PCDH11X: variants seen among roughly 807,000 people sequenced by gnomAD.
PCDH11X encodes the protein protocadherin 11 X-linked, also known as protocadherin-11 X-linked.
In PCDH11X, 18 loss-of-function variants were observed where a neutral mutation model predicts 53.3. The observed-to-expected ratio is 0.34, with a 90% CI of 0.23 to 0.50. The LOEUF is 0.50. Ranked by LOEUF, PCDH11X falls within the 20% of genes least tolerant of loss-of-function variation. The probability of loss-of-function intolerance (pLI) is 0.98; values close to 1 mark genes in which losing one functional copy is unlikely to be tolerated. For synonymous variants in PCDH11X, 279 were observed against 393.3 expected (o/e 0.71, Z 3.44); for missense variants, 570 against 1,032.4 (o/e 0.55, Z 6.14).
intron 9 of PCDH11X, among the ~76,000 whole-genome samples, chrX:92,412,538 T>G (rs868779713): frequency 1.4e-3 from 76 of 53,364 alleles, no homozygotes; most frequent in African/African-American, 4.7e-3. Context: ...TATATATATA[T>G]ATATATATAT....
chrX:92,120,080 C>T (rs2064723453), intron 6 of PCDH11X, among the ~76,000 whole-genome samples: 1 of 110,133 alleles, frequency 9.1e-6, no homozygotes, highest in Admixed American at 9.8e-5. Flanking sequence ...CATGCCTATA[C>T]CATCCATCAT....
chrX:91,827,955 G>GT (rs1474948637), intron 4 of PCDH11X, among the ~76,000 whole-genome samples: 1 of 108,594 alleles, frequency 9.2e-6, no homozygotes, highest in African/African-American at 3.4e-5. Context: ...TTTTAACATA[G>GT]TTTTTTTCTA....
At chrX:92,169,744 G>C (rs2065792011) in intron 6 of PCDH11X, among the ~76,000 whole-genome samples, 1 of 110,165 alleles carries the variant, frequency 9.1e-6, no homozygotes, top group Non-Finnish European at 1.9e-5. Flanking sequence ...GTGCTAAACA[G>C]TAATGACATC....
chrX:91,781,826 CGAGA>C (rs1049209868), intron 1 of PCDH11X, among the ~76,000 whole-genome samples: 5 of 112,327 alleles, frequency 4.5e-5, no homozygotes, highest in Non-Finnish European at 9.4e-5. Flanking sequence ...ACGAAAGAAC[CGAGA>C]GATGGATGCG....
At chrX:91,853,146 A>G (rs1938128354) in intron 5 of PCDH11X, among the ~76,000 whole-genome samples, 1 of 109,850 alleles carries the variant, frequency 9.1e-6, no homozygotes, top group Non-Finnish European at 1.9e-5. Flanking sequence ...GTTATAATTT[A>G]TCGTAAATGT....
At chrX:92,278,456 AAG>A (rs1490504267) in intron 8 of PCDH11X, among the ~76,000 whole-genome samples, 1 of 111,287 alleles carries the variant, frequency 9.0e-6, no homozygotes, top group Non-Finnish European at 1.9e-5. Flanking sequence ...TGAGTCCGAA[AAG>A]AGAGTCAGTG....
intron 6 of PCDH11X, among the ~76,000 whole-genome samples, chrX:92,116,588 A>G (rs1179997434): frequency 1.8e-5 from 2 of 111,615 alleles, no homozygotes; most frequent in Admixed American, 9.6e-5. Context: ...TGATTTATTT[A>G]TCTATTATTA....
At position 92,210,480 on chromosome X, in the gene PCDH11X, C is replaced by G. The variant is rs182566039; in HGVS notation, c.3114+9025C>G. On this transcript the variant is annotated intron_variant, in intron 7 of 10. Coordinates refer to ENST00000682573, the MANE Select transcript of PCDH11X (RefSeq NM_032968.5). ...GGTCCTGATCTCCTGACCTTGTGATCCACCTGCCTCAGCCTCCCAAAGTGC... is the reference window on the plus strand; with the variant it reads ...GGTCCTGATCTCCTGACCTTGTGATGCACCTGCCTCAGCCTCCCAAAGTGC... 3.3e-4 allele frequency among the ~76,000 whole-genome samples: 36 copies of G among 109,827 alleles called. No individual in the cohort carries two copies. The East Asian group carries it at 1.0e-2, about 30-fold the overall frequency.
At chrX:91,999,228 T>C (rs1318970536) in intron 6 of PCDH11X, among the ~76,000 whole-genome samples, 1 of 111,798 alleles carries the variant, frequency 8.9e-6, no homozygotes, top group African/African-American at 3.3e-5. Context: ...ATAGTATGTT[T>C]CTGTAAAAGA....
chrX:92,429,610 G>A (rs186823772), intron 9 of PCDH11X, among the ~76,000 whole-genome samples: 1,177 of 104,959 alleles, frequency 0.011, 11 homozygotes, highest in Middle Eastern at 0.036. Flanking sequence ...AGAGACCCTT[G>A]ATTTTCAAGG....
Position 91,952,586 on chromosome X carries a change from C to G in PCDH11X, c.3033+73313C>G, listed in dbSNP as rs779610359. On this transcript the variant is annotated intron_variant, in intron 6 of 10. Transcript: ENST00000682573. The stretch of plus-strand genomic sequence containing the variant: ...ATTTACTTTGGGACATATTAATCAG[C>G]TAGGAATAACAGTTAGTACAACCCA... 4.5e-5 allele frequency among the ~76,000 whole-genome samples: 5 copies of G among 111,143 alleles called. No individual in the cohort carries two copies. The South Asian group carries it at 1.1e-3, about 25-fold the overall frequency.
At chrX:92,005,162 C>T (rs1291868325) in intron 6 of PCDH11X, among the ~76,000 whole-genome samples, 3 of 110,561 alleles carry the variant, frequency 2.7e-5, no homozygotes, top group Non-Finnish European at 3.8e-5. Context: ...TTATGTCTTT[C>T]GATTGGAGAA....
chrX:92,211,993 G>T (rs1016357628), intron 7 of PCDH11X, among the ~76,000 whole-genome samples: 3 of 98,477 alleles, frequency 3.0e-5, no homozygotes, highest in African/African-American at 7.4e-5. Context: ...ATGTGGTGGG[G>T]CCACTTGCAA....
intron 9 of PCDH11X, among the ~76,000 whole-genome samples, chrX:92,457,606 T>G (rs1210202304): frequency 9.2e-6 from 1 of 108,714 alleles, no homozygotes; most frequent in African/African-American, 3.3e-5. Flanking sequence ...CTTAAATATT[T>G]TATATGTAAA....
rs148350431 is a variant in PCDH11X at position 91,970,344 on chromosome X, C to G, written c.3033+91071C>G. On this transcript the variant is annotated intron_variant, in intron 6 of 10. Coordinates refer to ENST00000682573, the MANE Select transcript of PCDH11X (RefSeq NM_032968.5). ...ACATCCTGCTGATTGGTCCATTTTA[C>G]AGAGAGCTGATTGGTCCATTTTACA... Among the ~76,000 whole-genome samples the G allele has an allele frequency of 3.7e-3, 414 of 111,415 alleles. 2 individuals carry two copies. In the East Asian group the frequency reaches 0.053, roughly 14 times the overall value.
intron 10 of PCDH11X, among the ~76,000 whole-genome samples, chrX:92,494,749 T>A (rs1435547357): frequency 9.8e-6 from 1 of 101,992 alleles, no homozygotes; most frequent in Non-Finnish European, 2.0e-5. Context: ...ACCTGAAGTA[T>A]CAGTAAATGC....
intron 10 of PCDH11X, among the ~76,000 whole-genome samples, chrX:92,494,605 A>C (rs2073829227): frequency 9.0e-6 from 1 of 111,549 alleles, no homozygotes; most frequent in East Asian, 2.8e-4. Context: ...GCACCACTGT[A>C]ATCCATTATT....
chrX:92,038,819 T>C (rs1003583766), intron 6 of PCDH11X, among the ~76,000 whole-genome samples: 1 of 108,309 alleles, frequency 9.2e-6, no homozygotes, highest in Non-Finnish European at 1.9e-5. Context: ...TCTGATGGTT[T>C]TAAAAATGAG....
intron 10 of PCDH11X, among the ~76,000 whole-genome samples, chrX:92,582,428 A>G (rs1248521579): frequency 6.3e-5 from 7 of 110,656 alleles, no homozygotes; most frequent in Non-Finnish European, 1.1e-4. Context: ...GCAAGCCCCA[A>G]GCCTTGGCAG....
Sources: gnomAD v4.1 joint callset for allele counts (sites outside exome capture counted in the v4.1 genomes callset) on GRCh38, gnomAD v4.1.1 for gene constraint, MANE v1.5 for transcripts, NCBI Gene and HGNC (gene_info 2026-07-23, HGNC 2026-07-21) for gene names.